Variants in UTP4 observed in about 807,000 individuals in gnomAD.
The protein encoded by UTP4 is U3 small nucleolar RNA-associated protein 4 homolog.
UTP4 carries 45 observed loss-of-function variants against 82.4 expected under a neutral mutation model. The observed-to-expected ratio is 0.55, with a 90% CI of 0.43 to 0.70. The LOEUF (loss-of-function observed/expected upper bound fraction) is 0.70. Among genes scored for constraint, UTP4 ranks in the 30% least tolerant of loss-of-function variants. The pLI, the probability that UTP4 is intolerant of heterozygous loss-of-function variation, is 0.00. For missense variants in UTP4, 819 were observed against 858.3 expected (o/e 0.95, Z 0.57); for synonymous variants, 348 against 300.3 (o/e 1.16, Z -1.64).
intron 1 of UTP4, among the ~76,000 whole-genome samples, chr16:69,133,249 C>T (rs763961527): frequency 2.0e-5 from 3 of 151,554 alleles, no homozygotes; most frequent in African/African-American, 4.9e-5. Context: ...TGATTTTTTG[C>T]TGAAGCCTCC....
chr16:69,154,099 T>C (rs555070834), intron 9 of UTP4, among the ~76,000 whole-genome samples: 2 of 152,232 alleles, frequency 1.3e-5, no homozygotes, highest in East Asian at 3.9e-4. Context: ...AATGTTTGAG[T>C]CCTCTCATTT....
chr16:69,162,244 G>A (rs753734048), intron 13 of UTP4, among the ~76,000 whole-genome samples: 1 of 151,434 alleles, frequency 6.6e-6, no homozygotes, highest in Non-Finnish European at 1.5e-5. Flanking sequence ...TGGGATTATA[G>A]GCATGAGCCA....
At chr16:69,145,695 A>C (rs1207010121) in intron 6 of UTP4, among the ~76,000 whole-genome samples, 13 of 151,894 alleles carry the variant, frequency 8.6e-5, no homozygotes, top group Admixed American at 8.5e-4. Flanking sequence ...TTTAGAGAAG[A>C]GGGAGAGGCT....
intron 13 of UTP4, among the ~76,000 whole-genome samples, chr16:69,161,841 T>C (rs77422938): frequency 6.6e-6 from 1 of 152,032 alleles, no homozygotes; most frequent in Non-Finnish European, 1.5e-5. Context: ...TCTTTTTTTT[T>C]AGTAGAGATG....
intron 6 of UTP4, among the ~76,000 whole-genome samples, chr16:69,147,001 C>CAAAAAAAAAAAAAAAA (rs71148965): frequency 4.7e-5 from 4 of 85,788 alleles, no homozygotes; most frequent in Non-Finnish European, 9.3e-5. Flanking sequence ...GACTCTGCCT[C>CAAAAAAAAAAAAAAAA]AAAAAAAAAA....
intron 8 of UTP4, among the ~76,000 whole-genome samples, chr16:69,151,855 G>T (rs934329260): frequency 3.3e-5 from 5 of 151,454 alleles, no homozygotes; most frequent in Non-Finnish European, 5.9e-5. Context: ...TCTATTCTGG[G>T]TGGGAGCGGG....
intron 8 of UTP4, 69 bp downstream of exon 8, chr16:69,150,973 C>A: frequency 8.1e-7 from 1 of 1,231,026 alleles, no homozygotes; most frequent in Non-Finnish European, 1.2e-6. Flanking sequence ...GTCCCACAAG[C>A]TCTGAACACA....
Position 69,168,982 on chromosome 16 carries a change from G to A in UTP4, c.*45G>A. 8.6e-7 allele frequency: 1 copy of A among 1,163,682 alleles called. No individual in the cohort carries two copies. The highest frequency in any genetic ancestry group is 1.3e-6 in the Non-Finnish European group (1 of 768,328). The allele number at this position is 1,163,682 out of a possible 1,614,324, so 72.1% of individuals were successfully genotyped here. Reference sequence around the variant, plus strand: ...CCTTCCTTGAACTGTCTACCCTGTTGCTTTTCACAAATCATGGTAATAAAA... The same window carrying A: ...CCTTCCTTGAACTGTCTACCCTGTTACTTTTCACAAATCATGGTAATAAAA... On this transcript the variant is annotated 3_prime_UTR_variant, in exon 17 of 17. Coordinates refer to ENST00000314423, the MANE Select transcript of UTP4 (RefSeq NM_032830.3).
chr16:69,151,156 G>A (rs917943709), intron 8 of UTP4, among the ~76,000 whole-genome samples: 9 of 151,202 alleles, frequency 6.0e-5, no homozygotes, highest in African/African-American at 9.7e-5. Context: ...ACAGGCATGC[G>A]CCACCGCGCT....
intron 9 of UTP4, 65 bp downstream of exon 9, chr16:69,153,745 G>A (rs755924666): frequency 1.7e-5 from 19 of 1,112,642 alleles, no homozygotes; most frequent in Admixed American, 7.7e-5. Flanking sequence ...TCAGAATTGC[G>A]GTTGGAATTC....
intron 13 of UTP4, among the ~76,000 whole-genome samples, chr16:69,162,263 G>A (rs540853326): frequency 4.6e-5 from 7 of 150,580 alleles, no homozygotes; most frequent in South Asian, 4.4e-4. Context: ...CACTGCGCCC[G>A]GCCAACCAAT....
At chr16:69,133,000 G>C (rs908349619) in intron 1 of UTP4, 1 of 236,192 alleles carries the variant, frequency 4.2e-6, no homozygotes, top group African/African-American at 2.3e-5. Context: ...GGGCGTCGGG[G>C]GGACGGGGTA....
chr16:69,160,555 T>G (rs1963537528), intron 13 of UTP4, 93 bp downstream of exon 13: 4 of 885,148 alleles, frequency 4.5e-6, no homozygotes, highest in Non-Finnish European at 7.6e-6. Context: ...TGGCATGACC[T>G]GGAAATTTAT....
In UTP4 at chr16:69,167,568, C is replaced by T. The variant is rs143421456; in HGVS notation, c.1944+383C>T. 3 of 221,974 alleles carry T rather than the reference C, an allele frequency of 1.4e-5. No individual in the cohort carries two copies. In the East Asian group the frequency reaches 3.7e-4, roughly 27 times the overall value. 13.8% of individuals were successfully genotyped at this position (221,974 alleles called of 1,614,324 possible). On this transcript the variant is annotated intron_variant, in intron 16 of 16. Coordinates refer to ENST00000314423, the MANE Select transcript of UTP4 (RefSeq NM_032830.3). ...ATCCCAGCACTTTGGGAGGCCAAGG[C>T]AGGTGGATCTCCTCAGCCCAGGAAT...
chr16:69,153,465 T>C (rs1005870609), intron 8 of UTP4, 119 bp from the exon 9 acceptor site: 3 of 745,094 alleles, frequency 4.0e-6, no homozygotes, highest in Non-Finnish European at 7.1e-6. Context: ...TTAGGAAATA[T>C]TTATCAAGGA....
At chr16:69,163,705 T>C (rs1351030249) in intron 14 of UTP4, among the ~76,000 whole-genome samples, 2 of 151,040 alleles carry the variant, frequency 1.3e-5, no homozygotes, top group Non-Finnish European at 2.9e-5. Context: ...AAACCTGGGC[T>C]GCGGAATATA....
At chr16:69,162,394 A>G (rs1029367574) in intron 13 of UTP4, among the ~76,000 whole-genome samples, 14 of 150,624 alleles carry the variant, frequency 9.3e-5, no homozygotes, top group Admixed American at 6.7e-5. Context: ...CGGCCAACAT[A>G]GTGAGACCCC....
chr16:69,156,336 G>A (rs1361863620), intron 11 of UTP4, among the ~76,000 whole-genome samples: 2 of 151,866 alleles, frequency 1.3e-5, no homozygotes, highest in East Asian at 3.9e-4. Context: ...TGTATTTTTA[G>A]TAGAGATGGA....
At chr16:69,142,045 C>G (rs1038885837) in intron 5 of UTP4, 2 of 146,756 alleles carry the variant, frequency 1.4e-5, no homozygotes, top group African/African-American at 5.0e-5. Context: ...GTGTTTTTCA[C>G]TCTGCCTGTT....
Sources: gnomAD v4.1 joint callset for allele counts (sites outside exome capture counted in the v4.1 genomes callset) on GRCh38, gnomAD v4.1.1 for gene constraint, MANE v1.5 for transcripts, NCBI Gene and HGNC (gene_info 2026-07-23, HGNC 2026-07-21) for gene names.